Variants in STXBP5L observed in about 807,000 individuals in gnomAD.
STXBP5L encodes syntaxin-binding protein 5-like.
Under a neutral mutation model 144.5 loss-of-function variants are expected in STXBP5L, and 65 were observed. That is an observed-to-expected ratio of 0.45 (90% CI 0.37 to 0.55). The LOEUF (loss-of-function observed/expected upper bound fraction) is 0.55, where lower values mean the gene tolerates loss of function less well. Among genes scored for constraint, STXBP5L ranks in the 20% least tolerant of loss-of-function variants. The pLI is 0.00. For synonymous variants in STXBP5L, 505 were observed against 469.6 expected (o/e 1.08, Z -0.97); for missense variants, 1,298 against 1,405.5 (o/e 0.92, Z 1.22).
intron 7 of STXBP5L, among the ~76,000 whole-genome samples, chr3:121,148,295 A>C (rs975463032): frequency 6.6e-6 from 1 of 152,108 alleles, no homozygotes; most frequent in African/African-American, 2.4e-5. Flanking sequence ...AAAAAATCAC[A>C]ACCAATTTAT....
chr3:121,376,790 T>C (rs1369037081), intron 20 of STXBP5L, among the ~76,000 whole-genome samples: 1 of 152,178 alleles, frequency 6.6e-6, no homozygotes, highest in African/African-American at 2.4e-5. Flanking sequence ...TTGATGGGAA[T>C]AGCATTGAAT....
At position 121,093,467 on chromosome 3, in the gene STXBP5L, T is replaced by G. The variant is rs181878718; in HGVS notation, c.471-21458T>G. Among the ~76,000 whole-genome samples, 1,369 of 152,368 alleles carry G rather than the reference T, an allele frequency of 9.0e-3. 10 individuals are homozygous for G. The highest frequency in any genetic ancestry group is 0.014 in the Non-Finnish European group (946 of 68,040). ...ATTTCAGCTCCTGTTATTGGTCTAT[T>G]CAGAGATTCAACTTCTTCCTGGTTT... On this transcript the variant is annotated intron_variant, in intron 5 of 26. Transcript: ENST00000471454.
intron 3 of STXBP5L, among the ~76,000 whole-genome samples, chr3:121,016,926 G>A (rs1392035592): frequency 6.6e-6 from 1 of 152,180 alleles, no homozygotes; most frequent in South Asian, 2.1e-4. Flanking sequence ...AATATTTCCA[G>A]TTCATCCCTG....
intron 9 of STXBP5L, among the ~76,000 whole-genome samples, chr3:121,196,938 C>T (rs1038878687): frequency 1.3e-5 from 2 of 152,182 alleles, no homozygotes; most frequent in Non-Finnish European, 2.9e-5. Flanking sequence ...CCACCCCAGC[C>T]TCCCAAAGTG....
chr3:121,294,879 G>A (rs1192584863), intron 19 of STXBP5L, among the ~76,000 whole-genome samples: 1 of 152,146 alleles, frequency 6.6e-6, no homozygotes, highest in African/African-American at 2.4e-5. Context: ...GTTCAGAAAA[G>A]TGATTAGAGT....
chr3:121,375,362 A>G (rs1372775697), intron 20 of STXBP5L, among the ~76,000 whole-genome samples: 1 of 152,104 alleles, frequency 6.6e-6, no homozygotes, highest in East Asian at 1.9e-4. Flanking sequence ...TGCCTCTTAA[A>G]CCCTACTAAA....
At chr3:121,384,311 T>A (rs1351908299) in intron 22 of STXBP5L, among the ~76,000 whole-genome samples, 1 of 152,048 alleles carries the variant, frequency 6.6e-6, no homozygotes, top group Non-Finnish European at 1.5e-5. Flanking sequence ...CTAACAAAGA[T>A]GACATCTGAA....
chr3:121,258,722 A>G (rs2050289673), intron 17 of STXBP5L, among the ~76,000 whole-genome samples: 1 of 152,144 alleles, frequency 6.6e-6, no homozygotes, highest in Admixed American at 6.5e-5. Context: ...TAACTGATAT[A>G]TATGTAACAT....
chr3:121,299,190 C>G (rs1309651307), intron 19 of STXBP5L, among the ~76,000 whole-genome samples: 1 of 152,162 alleles, frequency 6.6e-6, no homozygotes, highest in African/African-American at 2.4e-5. Context: ...CTATCATCGT[C>G]ATTTTTTGAA....
intron 3 of STXBP5L, among the ~76,000 whole-genome samples, chr3:120,979,064 G>A (rs927844621): frequency 7.2e-5 from 11 of 152,188 alleles, no homozygotes; most frequent in African/African-American, 2.7e-4. Context: ...GAGAACCACT[G>A]CTCTCTTCAA....
chr3:120,981,411 A>C (rs1461671897), intron 3 of STXBP5L, among the ~76,000 whole-genome samples: 2 of 151,984 alleles, frequency 1.3e-5, no homozygotes. Context: ...TTTTTTGTCT[A>C]ACTGGGTTAA....
At chr3:121,351,112 G>C (rs1362454710) in intron 20 of STXBP5L, among the ~76,000 whole-genome samples, 2 of 152,084 alleles carry the variant, frequency 1.3e-5, no homozygotes, top group Non-Finnish European at 2.9e-5. Context: ...GGTCTTTGAT[G>C]ATGGTGACGT....
chr3:121,037,887 A>G (rs1472723196), intron 3 of STXBP5L, among the ~76,000 whole-genome samples: 3 of 151,976 alleles, frequency 2.0e-5, no homozygotes, highest in East Asian at 1.9e-4. Flanking sequence ...TGTGTAATTT[A>G]TGTCTTTCTG....
At chr3:120,965,118 T>C (rs1475031410) in intron 3 of STXBP5L, among the ~76,000 whole-genome samples, 1 of 152,194 alleles carries the variant, frequency 6.6e-6, no homozygotes, top group Non-Finnish European at 1.5e-5. Context: ...GCTTGTTTGT[T>C]TTCCATTTGC....
chr3:121,090,474 G>A (rs56048195), intron 5 of STXBP5L, among the ~76,000 whole-genome samples: 79,684 of 151,970 alleles, frequency 0.52, 21,443 homozygotes, highest in African/African-American at 0.62. Flanking sequence ...TATCCATATA[G>A]ATGTAGAAAA....
chr3:120,936,776 A>T (rs1710286765), intron 2 of STXBP5L, among the ~76,000 whole-genome samples: 1 of 151,820 alleles, frequency 6.6e-6, no homozygotes, highest in Non-Finnish European at 1.5e-5. Flanking sequence ...CACCCGGCTA[A>T]TTTTTTTGTA....
chr3:121,036,503 C>T (rs1311899569), intron 3 of STXBP5L, among the ~76,000 whole-genome samples: 1 of 152,024 alleles, frequency 6.6e-6, no homozygotes, highest in East Asian at 1.9e-4. Flanking sequence ...GATAGTACTT[C>T]TAGTATCTAG....
At chr3:121,395,899 C>A (rs1447944903) in intron 22 of STXBP5L, among the ~76,000 whole-genome samples, 1 of 152,238 alleles carries the variant, frequency 6.6e-6, no homozygotes, top group African/African-American at 2.4e-5. Flanking sequence ...CTCGACATGG[C>A]TGCAACCGAG....
intron 19 of STXBP5L, among the ~76,000 whole-genome samples, chr3:121,285,803 T>C (rs1272188775): frequency 6.6e-6 from 1 of 152,100 alleles, no homozygotes; most frequent in Non-Finnish European, 1.5e-5. Context: ...AAAGTAAAAA[T>C]TGCAATTTCT....
Sources: gnomAD v4.1 joint callset for allele counts (sites outside exome capture counted in the v4.1 genomes callset) on GRCh38, gnomAD v4.1.1 for gene constraint, MANE v1.5 for transcripts, NCBI Gene and HGNC (gene_info 2026-07-23, HGNC 2026-07-21) for gene names.